The following CEP112 variants were observed in gnomAD, a reference collection of about 807,000 sequenced individuals.
CEP112 encodes centrosomal protein 112.
CEP112 carries 127 observed loss-of-function variants against 153.0 expected under a neutral mutation model. The observed-to-expected ratio is 0.83, with a 90% CI of 0.72 to 0.96. The LOEUF (loss-of-function observed/expected upper bound fraction) is 0.96. CEP112 is among the 40% of genes least tolerant of loss of function. The pLI, the probability that CEP112 is intolerant of heterozygous loss-of-function variation, is 0.00. For missense variants in CEP112, 1,089 were observed against 1,101.2 expected (o/e 0.99, Z 0.16); for synonymous variants, 358 against 374.4 (o/e 0.96, Z 0.51).
At chr17:65,746,092 G>A (rs1004267951) in intron 22 of CEP112, among the ~76,000 whole-genome samples, 1 of 148,618 alleles carries the variant, frequency 6.7e-6, no homozygotes, top group African/African-American at 2.5e-5. Flanking sequence ...TTGAACCCGG[G>A]AGGCGGAGGC....
intron 6 of CEP112, among the ~76,000 whole-genome samples, chr17:66,100,409 G>GAAAAAAAAAAAA (rs35510367): frequency 1.7e-5 from 2 of 118,408 alleles, no homozygotes. Context: ...TCAAAAAACA[G>GAAAAAAAAAAAA]AAAAAAAAAA....
chr17:65,807,708 C>T (rs1207463705), intron 21 of CEP112, among the ~76,000 whole-genome samples: 1 of 152,198 alleles, frequency 6.6e-6, no homozygotes, highest in Non-Finnish European at 1.5e-5. Context: ...GTGGCTTCCA[C>T]ATGGTGTTGG....
At chr17:66,132,914 T>C in intron 4 of CEP112, 151 bp from the exon 5 acceptor site, 1 of 622,994 alleles carries the variant, frequency 1.6e-6, no homozygotes, top group Admixed American at 2.7e-5. Context: ...GGCGAGTGCC[T>C]GTAATCCCAG....
intron 21 of CEP112, among the ~76,000 whole-genome samples, chr17:65,801,771 T>C (rs1410923396): frequency 1.3e-5 from 2 of 152,234 alleles, no homozygotes; most frequent in Non-Finnish European, 2.9e-5. Flanking sequence ...AATATTTTAG[T>C]TCTTTGAACA....
intron 4 of CEP112, among the ~76,000 whole-genome samples, chr17:66,135,393 A>G (rs569446598): frequency 2.6e-5 from 4 of 152,236 alleles, no homozygotes; most frequent in Non-Finnish European, 5.9e-5. Flanking sequence ...TAGTGGTCTG[A>G]GTGAACAGTG....
intron 12 of CEP112, among the ~76,000 whole-genome samples, chr17:66,039,998 T>C (rs2065902277): frequency 6.6e-6 from 1 of 152,214 alleles, no homozygotes; most frequent in Non-Finnish European, 1.5e-5. Context: ...CTATTAAAAA[T>C]AATGTGGCTA....
chr17:65,980,302 A>G (rs965596353), intron 17 of CEP112, among the ~76,000 whole-genome samples: 6 of 152,246 alleles, frequency 3.9e-5, no homozygotes, highest in Admixed American at 3.3e-4. Context: ...TTAAAAGACC[A>G]TTGTTAAAAT....
intron 17 of CEP112, among the ~76,000 whole-genome samples, chr17:65,975,235 A>G (rs369077911): frequency 6.6e-6 from 1 of 152,194 alleles, no homozygotes; most frequent in African/African-American, 2.4e-5. Context: ...GTTTGAGCAA[A>G]TAAGTAAATA....
In CEP112 at chr17:66,020,327, G is replaced by T. The variant is rs79582162; in HGVS notation, c.1656+7174C>A. ...GCTGCATTAAAACTGCAACAATAAG[G>T]AAATTTATTATGATTTAAAAGAGCA... is the stretch of plus-strand genomic sequence containing the variant. On this transcript the variant is annotated intron_variant, in intron 16 of 26. Transcript: ENST00000535342. Among the ~76,000 whole-genome samples, 1,139 of 134,616 alleles carry T rather than the reference G, an allele frequency of 8.5e-3. 14 individuals are homozygous for T. The highest frequency in any genetic ancestry group is 0.027 in the African/African-American group (1,075 of 39,526). 88.3% of individuals were successfully genotyped at this position (134,616 alleles called of 152,430 possible).
intron 10 of CEP112, among the ~76,000 whole-genome samples, chr17:66,063,814 T>A (rs1356813217): frequency 6.6e-6 from 1 of 152,176 alleles, no homozygotes; most frequent in Non-Finnish European, 1.5e-5. Flanking sequence ...CTCTTCCCAC[T>A]TGCATGTTTT....
chr17:65,696,908 T>C (rs2048385822), intron 23 of CEP112, among the ~76,000 whole-genome samples: 2 of 152,160 alleles, frequency 1.3e-5, no homozygotes, highest in African/African-American at 4.8e-5. Flanking sequence ...AGAAAACAGA[T>C]GATTCATTTG....
At chr17:66,146,969 T>C (rs370189130) in intron 4 of CEP112, among the ~76,000 whole-genome samples, 10 of 152,194 alleles carry the variant, frequency 6.6e-5, no homozygotes, top group South Asian at 2.1e-4. Flanking sequence ...GCTATGAAGA[T>C]GAATATGCAA....
chr17:65,782,921 T>C (rs1310122238), intron 21 of CEP112, among the ~76,000 whole-genome samples: 4 of 151,458 alleles, frequency 2.6e-5, no homozygotes, highest in African/African-American at 7.3e-5. Flanking sequence ...CATCACGCAA[T>C]ATACCCAGGT....
chr17:65,929,702 AC>A (rs2061056397), intron 18 of CEP112, among the ~76,000 whole-genome samples: 1 of 152,230 alleles, frequency 6.6e-6, no homozygotes, highest in Non-Finnish European at 1.5e-5. Context: ...AATAGTATCA[AC>A]GATTTATCAC....
In CEP112 at chr17:65,737,045, AGC is replaced by A. The variant is rs553868679; in HGVS notation, c.2607+6021_2607+6022del. 1.2e-4 allele frequency among the ~76,000 whole-genome samples: 19 copies of A among 152,346 alleles called. No individual in the cohort carries two copies. The South Asian group carries it at 3.9e-3, about 32-fold the overall frequency. On this transcript the variant is annotated intron_variant, in intron 23 of 26. Coordinates refer to ENST00000535342, the MANE Select transcript of CEP112 (RefSeq NM_001199165.4). Reference sequence around the variant, plus strand: ...GAGTCTCCAAAAGTGTTTGTTAGGCAGCATTATTGTGGTAATATCTGAGCAGC... The same window carrying A: ...GAGTCTCCAAAAGTGTTTGTTAGGCAATTATTGTGGTAATATCTGAGCAGC...
At chr17:66,186,561 T>C (rs947043648) in intron 1 of CEP112, among the ~76,000 whole-genome samples, 9 of 152,140 alleles carry the variant, frequency 5.9e-5, no homozygotes, top group Middle Eastern at 3.2e-3. Context: ...AGTGCTGGGA[T>C]TACAGGCATG....
intron 17 of CEP112, among the ~76,000 whole-genome samples, chr17:65,971,415 A>AGCACATATATTGGATGCATGTGAGGTAT (rs148309566): frequency 6.6e-6 from 1 of 151,416 alleles, no homozygotes; most frequent in East Asian, 1.9e-4. Context: ...GCACCCATGC[A>AGCACATATATTGGATGCATGTGAGGTAT]GCATGCTGCA....
intron 23 of CEP112, among the ~76,000 whole-genome samples, chr17:65,700,193 T>A (rs2144572487): frequency 6.6e-6 from 1 of 152,178 alleles, no homozygotes; most frequent in South Asian, 2.1e-4. Context: ...ATACACTGTG[T>A]CCTTCAGATC....
chr17:66,147,253 G>A (rs931626285), intron 4 of CEP112, among the ~76,000 whole-genome samples: 8 of 151,974 alleles, frequency 5.3e-5, no homozygotes, highest in African/African-American at 1.9e-4. Flanking sequence ...AATGGTTAGT[G>A]ATGTTGAGCA....
Sources: gnomAD v4.1 joint callset for allele counts (sites outside exome capture counted in the v4.1 genomes callset) on GRCh38, gnomAD v4.1.1 for gene constraint, MANE v1.5 for transcripts, NCBI Gene and HGNC (gene_info 2026-07-23, HGNC 2026-07-21) for gene names.